Variants in CPLANE1 observed in about 807,000 individuals in gnomAD.
The protein encoded by CPLANE1 is ciliogenesis and planar polarity effector 1.
CPLANE1 carries 263 observed loss-of-function variants against 362.5 expected under a neutral mutation model. The observed-to-expected ratio is 0.73, with a 90% CI of 0.66 to 0.80. CPLANE1 has a LOEUF of 0.80. CPLANE1 is among the 30% of genes least tolerant of loss of function. CPLANE1 has a pLI of 0.00. For missense variants in CPLANE1, 3,461 were observed against 3,793.4 expected (o/e 0.91, Z 2.30); for synonymous variants, 1,212 against 1,302.6 (o/e 0.93, Z 1.50).
In CPLANE1 at chr5:37,209,313, T is replaced by C; in HGVS notation, c.2921-2888A>G. On this transcript the variant is annotated intron_variant, in intron 16 of 52. Coordinates refer to ENST00000651892, the MANE Select transcript of CPLANE1 (RefSeq NM_001384732.1). This position sits in a 1 kb window ranked among gnomAD's most constrained non-coding sequence, Gnocchi z 4.6. ...CTACAGCCCCAGCTGGGCACTAAAC[T>C]CGGGCCACGGCGGGGCGAGCGAGGC... is the stretch of plus-strand genomic sequence containing the variant. 1.2e-6 allele frequency: 1 copy of C among 802,176 alleles called. No homozygotes were observed. The highest frequency in any genetic ancestry group is 2.2e-6 in the Non-Finnish European group (1 of 448,836). The allele number at this position is 802,176 out of a possible 1,614,324, so 49.7% of individuals were successfully genotyped here. A position where few individuals can be genotyped will look rare whatever the true frequency, so the allele number is the denominator to read the frequency against.
chr5:37,187,362 T>TTTTA, intron 23 of CPLANE1, 52 bp downstream of exon 23: 1 of 1,406,580 alleles, frequency 7.1e-7, no homozygotes, highest in Non-Finnish European at 9.7e-7. Context: ...AATAAAAATC[T>TTTTA]TTTAAAGTCT....
intron 32 of CPLANE1, 95 bp downstream of exon 32, chr5:37,173,660 T>C (rs537239173): frequency 1.9e-6 from 2 of 1,067,952 alleles, no homozygotes; most frequent in Admixed American, 4.6e-5. Flanking sequence ...TGTGATATAA[T>C]TTTACCTTGT....
intron 19 of CPLANE1, among the ~76,000 whole-genome samples, 194 bp from the exon 20 acceptor site, chr5:37,199,060 G>T (rs1788402711): frequency 7.7e-6 from 1 of 130,290 alleles, no homozygotes; most frequent in South Asian, 2.4e-4. Flanking sequence ...TTGCATCACT[G>T]CACTCAAGCC....
chr5:37,202,559 G>A (rs982932735), intron 18 of CPLANE1, among the ~76,000 whole-genome samples: 4 of 152,126 alleles, frequency 2.6e-5, no homozygotes, highest in Non-Finnish European at 4.4e-5. Flanking sequence ...GTATAGTACG[G>A]CTTCAACTAT....
chr5:37,212,366 A>G lies in CPLANE1; in HGVS notation c.2920+1193T>C. On this transcript the variant is annotated intron_variant, in intron 16 of 52. Transcript: ENST00000651892. ...TAACACGCTTTTCTCATGAAGAACC[A>G]GATGACTCTTGGTAACCATGTTTGC... is the stretch of plus-strand genomic sequence containing the variant. 3 of 831,506 alleles carry G rather than the reference A, an allele frequency of 3.6e-6. No homozygotes were observed. In the Admixed American group the frequency reaches 5.1e-5, roughly 14 times the overall value. The allele number at this position is 831,506 out of a possible 1,614,324, so 51.5% of individuals were successfully genotyped here.
intron 16 of CPLANE1, chr5:37,211,264 G>C: frequency 6.6e-7 from 1 of 1,504,790 alleles, no homozygotes; most frequent in Non-Finnish European, 9.2e-7. Flanking sequence ...ACTAATGCAA[G>C]GGTCAAACAG....
Position 37,175,976 on chromosome 5 carries a change from C to T in CPLANE1, c.5911G>A (p.Ala1971Thr). The T allele has an allele frequency of 6.2e-7, 1 of 1,611,074 alleles. No homozygotes were observed. ...GTGGTATGCCCAGGATGTGAAAAGG[C>T]TTCGATCATACTATCAATAAAAATT... ...KSTEQKGMIE[A>T]FSHPGHTTPQ... Residue 1971 changes from alanine to threonine, a missense_variant, in exon 31 of 53, where the codon GCC becomes ACC. Ala to Thr is a moderately conservative substitution (Grantham distance 58). This residue lies in a region of CPLANE1 where 3,380 missense variants were observed against 3,666.1 expected (regional missense o/e 0.92). Transcript: ENST00000651892.
chr5:37,245,348 T>G (rs528449292), intron 4 of CPLANE1, 131 bp downstream of exon 4: 1 of 90,928 alleles, frequency 1.1e-5, no homozygotes, highest in African/African-American at 4.0e-5. Context: ...TATATATATA[T>G]ATACACACAC....
intron 36 of CPLANE1, 27 bp downstream of exon 36, chr5:37,165,512 G>A: frequency 6.2e-7 from 1 of 1,604,744 alleles, no homozygotes; most frequent in South Asian, 1.1e-5. Flanking sequence ...GCAAACCAGG[G>A]AAGAATCTAT....
chr5:37,169,001 T>A lies in CPLANE1; in HGVS notation c.7023A>T (p.Leu2341=). The A allele has an allele frequency of 6.2e-7, 1 of 1,614,150 alleles. No homozygotes were observed. Among genetic ancestry groups the A allele is most frequent in the Non-Finnish European group, 8.5e-7 (1 of 1,180,010 alleles). ...DSSVFIKPEK[L]FDVKPGTLEI... Reference sequence around the variant, plus strand: ...CAAGGGTCCCTGGCTTAACATCAAATAGTTTTTCTGGTTTTATAAACACTG... The same window carrying A: ...CAAGGGTCCCTGGCTTAACATCAAAAAGTTTTTCTGGTTTTATAAACACTG... Residue 2341 remains leucine (L), a synonymous_variant, in exon 34 of 53, where the codon CTA becomes CTT. Transcript: ENST00000651892.
rs1792044241 is a variant in CPLANE1 at position 37,209,720 on chromosome 5, T to C, written c.2921-3295A>G. 4.1e-6 allele frequency: 5 copies of C among 1,227,060 alleles called. No individual in the cohort carries two copies. The highest frequency in any genetic ancestry group is 6.0e-6 in the Non-Finnish European group (5 of 829,816). The allele number at this position is 1,227,060 out of a possible 1,614,324, so 76.0% of individuals were successfully genotyped here. A position where few individuals can be genotyped will look rare whatever the true frequency, so the allele number is the denominator to read the frequency against. On this transcript the variant is annotated intron_variant, in intron 16 of 52. Transcript: ENST00000651892. This position sits in a 1 kb window ranked among gnomAD's most constrained non-coding sequence, Gnocchi z 4.6. ...TATTACAACTCATTAAAATCAACCC[T>C]ACTTCCAGTCTGTACAAATCACTGG...
At chr5:37,075,808 T>G in the CPLANE1 span, among the ~76,000 whole-genome samples, 1 of 152,182 alleles carries the variant, frequency 6.6e-6, no homozygotes, top group South Asian at 2.1e-4. Flanking sequence ...GTCGAGTATT[T>G]GGCAAGGCAG....
Position 37,247,798 on chromosome 5 carries a change from A to AT in CPLANE1, c.-47-54dup, listed in dbSNP as rs11320255. ...AAATGATGCATAATATTCACTGGGC[A>AT]TTTTTTTTTTTTTTTTGAGACAAGA... is the stretch of plus-strand genomic sequence containing the variant. On this transcript the variant is annotated intron_variant, in intron 1 of 52. Coordinates refer to ENST00000651892, the MANE Select transcript of CPLANE1 (RefSeq NM_001384732.1). The AT allele has an allele frequency of 0.19, 191,060 of 1,024,098 alleles. 3,259 individuals are homozygous for AT. The highest frequency in any genetic ancestry group is 0.23 in the East Asian group (7,364 of 31,452). The allele number at this position is 1,024,098 out of a possible 1,614,324, so 63.4% of individuals were successfully genotyped here.
Position 37,188,466 on chromosome 5 carries a change from T to C in CPLANE1, c.3812-624A>G, listed in dbSNP as rs1219287220. Among the ~76,000 whole-genome samples the C allele has an allele frequency of 2.0e-5, 3 of 152,238 alleles. No homozygotes were observed. The East Asian group carries it at 5.8e-4, about 29-fold the overall frequency. On this transcript the variant is annotated intron_variant, in intron 21 of 52. Transcript: ENST00000651892. ...GAGCAAGACCTTGTCTCCTAGCTACTTGGACACCTGAGGTGGGAGGATCGT... is the reference window on the plus strand; with the variant it reads ...GAGCAAGACCTTGTCTCCTAGCTACCTGGACACCTGAGGTGGGAGGATCGT...
chr5:37,108,251 T>G (rs375032007), intron 52 of CPLANE1, 42 bp downstream of exon 52: 2 of 1,543,426 alleles, frequency 1.3e-6, no homozygotes, highest in Admixed American at 1.8e-5. Flanking sequence ...CTGAAGAACA[T>G]AGAGCAATCA....
the CPLANE1 span, among the ~76,000 whole-genome samples, chr5:37,091,847 G>C: frequency 1.3e-5 from 2 of 152,106 alleles, no homozygotes; most frequent in African/African-American, 4.8e-5. Context: ...GGAGATGAAG[G>C]AACTGACCCT....
chr5:37,168,995 A>G lies in CPLANE1; in HGVS notation c.7029T>C (p.Asp2343=). ...ATATCTCAAGGGTCCCTGGCTTAACATCAAATAGTTTTTCTGGTTTTATAA... is the reference window on the plus strand; with the variant it reads ...ATATCTCAAGGGTCCCTGGCTTAACGTCAAATAGTTTTTCTGGTTTTATAA... The part of the protein sequence containing the change: ...SVFIKPEKLF[D]VKPGTLEISP... Residue 2343 remains aspartate (D), a synonymous_variant, in exon 34 of 53, where the codon GAT becomes GAC. Coordinates refer to ENST00000651892, the MANE Select transcript of CPLANE1 (RefSeq NM_001384732.1). The G allele has an allele frequency of 6.2e-7, 1 of 1,614,182 alleles. No individual in the cohort carries two copies. Among genetic ancestry groups the G allele is most frequent in the East Asian group, 2.2e-5 (1 of 44,888 alleles).
At chr5:37,203,216 C>A (rs913874175) in intron 18 of CPLANE1, among the ~76,000 whole-genome samples, 2 of 152,262 alleles carry the variant, frequency 1.3e-5, no homozygotes, top group African/African-American at 4.8e-5. Flanking sequence ...TCTCAGGCAA[C>A]CCCTGATCTG....
chr5:37,117,998 A>G (rs1013701697), intron 50 of CPLANE1, among the ~76,000 whole-genome samples: 36 of 152,248 alleles, frequency 2.4e-4, no homozygotes, highest in African/African-American at 8.7e-4. Context: ...TCTGGCAAAT[A>G]TATCAGGTAC....
Sources: allele counts gnomAD v4.1 joint callset (sites outside exome capture counted in the v4.1 genomes callset), GRCh38; gene constraint gnomAD v4.1.1; regional missense constraint gnomAD v4.1.1; non-coding constraint Gnocchi (gnomAD v3.1); transcripts MANE v1.5; gene names NCBI Gene and HGNC (gene_info 2026-07-23, HGNC 2026-07-21).